The following WWOX variants were observed in gnomAD, a reference collection of about 807,000 sequenced individuals.
WWOX encodes the protein WW domain containing oxidoreductase.
WWOX carries 69 observed loss-of-function variants against 46.2 expected under a neutral mutation model. The observed-to-expected ratio is 1.49, with a 90% CI of 1.23 to 1.82. The LOEUF is 1.82. Ranked by LOEUF, WWOX falls within the 40% of genes most tolerant of loss-of-function variation. The pLI, the probability that WWOX is intolerant of heterozygous loss-of-function variation, is 0.00. For missense variants in WWOX, 919 were observed against 542.6 expected, an observed-to-expected ratio of 1.69 and a Z score of -6.89; for synonymous variants, 359 against 202.6, an observed-to-expected ratio of 1.77 and a Z score of -6.56.
chr16:78,596,439 AACCC>A (rs2045492577), intron 8 of WWOX, among the ~76,000 whole-genome samples: 1 of 152,116 alleles, frequency 6.6e-6, no homozygotes, highest in Non-Finnish European at 1.5e-5. Flanking sequence ...CTGCTGTGGC[AACCC>A]ACAGCAGGAA....
chr16:78,533,300 T>A (rs889163337), intron 8 of WWOX, among the ~76,000 whole-genome samples: 2 of 152,068 alleles, frequency 1.3e-5, no homozygotes, highest in African/African-American at 4.8e-5. Context: ...CCCAGCACTT[T>A]TGGGTCAGTT....
chr16:78,606,960 T>A (rs1342305709), intron 8 of WWOX, among the ~76,000 whole-genome samples: 2 of 152,058 alleles, frequency 1.3e-5, no homozygotes, highest in African/African-American at 4.8e-5. Context: ...AATGATCATT[T>A]TTGTGCAGGA....
intron 8 of WWOX, among the ~76,000 whole-genome samples, chr16:78,565,638 A>T (rs930312724): frequency 1.3e-5 from 2 of 152,178 alleles, no homozygotes; most frequent in African/African-American, 4.8e-5. Context: ...ATGGCTGATG[A>T]CAGAGTCACA....
At chr16:78,505,534 G>C (rs1295798512) in intron 8 of WWOX, among the ~76,000 whole-genome samples, 1 of 152,184 alleles carries the variant, frequency 6.6e-6, no homozygotes, top group African/African-American at 2.4e-5. Context: ...TGGATACCTA[G>C]ACTCTGCTGG....
At chr16:78,605,777 T>C (rs1412776745) in intron 8 of WWOX, among the ~76,000 whole-genome samples, 1 of 152,204 alleles carries the variant, frequency 6.6e-6, no homozygotes, top group African/African-American at 2.4e-5. Flanking sequence ...GAAGCTCTGA[T>C]GAAGCAATGT....
At chr16:78,132,228 G>T (rs536286940) in intron 4 of WWOX, among the ~76,000 whole-genome samples, 4 of 149,814 alleles carry the variant, frequency 2.7e-5, no homozygotes, top group Non-Finnish European at 5.9e-5. Context: ...GGGTTTCACC[G>T]TGTTAGCAAG....
At chr16:78,146,480 C>T (rs1468604274) in intron 4 of WWOX, among the ~76,000 whole-genome samples, 1 of 152,178 alleles carries the variant, frequency 6.6e-6, no homozygotes, top group Non-Finnish European at 1.5e-5. Context: ...TCAGCCTCAG[C>T]TGGAAGCTCC....
At chr16:78,926,517 G>A (rs550719151) in intron 8 of WWOX, among the ~76,000 whole-genome samples, 7 of 152,320 alleles carry the variant, frequency 4.6e-5, no homozygotes, top group South Asian at 4.1e-4. Flanking sequence ...GCAGGATGGC[G>A]AAGTCGCAGC....
chr16:78,655,042 G>A (rs1240254618), intron 8 of WWOX, among the ~76,000 whole-genome samples: 1 of 152,064 alleles, frequency 6.6e-6, no homozygotes, highest in East Asian at 1.9e-4. Flanking sequence ...GCAGAACTCT[G>A]TGCCTTTCCC....
At chr16:78,189,993 C>T (rs952936560) in intron 5 of WWOX, among the ~76,000 whole-genome samples, 3 of 152,168 alleles carry the variant, frequency 2.0e-5, no homozygotes, top group Non-Finnish European at 4.4e-5. Flanking sequence ...TCACTTCCCA[C>T]CCAAACCTTT....
chr16:78,723,131 C>A (rs1026399739), intron 8 of WWOX, among the ~76,000 whole-genome samples: 5 of 152,152 alleles, frequency 3.3e-5, no homozygotes, highest in Non-Finnish European at 7.3e-5. Context: ...AAAGATCATC[C>A]CGTCAACTGC....
chr16:78,656,438 C>G (rs890676353), intron 8 of WWOX, among the ~76,000 whole-genome samples: 1 of 152,084 alleles, frequency 6.6e-6, no homozygotes, highest in South Asian at 2.1e-4. Flanking sequence ...TACAGGAAGC[C>G]CAGTTAGGGA....
intron 8 of WWOX, among the ~76,000 whole-genome samples, chr16:78,907,290 C>T (rs1417005007): frequency 1.3e-5 from 2 of 152,200 alleles, no homozygotes; most frequent in Non-Finnish European, 2.9e-5. Context: ...CTCAAAAATG[C>T]AAAAGCCGGA....
intron 8 of WWOX, among the ~76,000 whole-genome samples, chr16:79,019,870 C>T (rs1455588487): frequency 1.3e-5 from 2 of 152,156 alleles, no homozygotes; most frequent in Non-Finnish European, 2.9e-5. Flanking sequence ...GTTAAGCAAC[C>T]CCTCGGATCC....
intron 5 of WWOX, among the ~76,000 whole-genome samples, chr16:78,186,874 C>T (rs1258883683): frequency 2.0e-5 from 3 of 152,144 alleles, no homozygotes; most frequent in African/African-American, 7.2e-5. Context: ...ACCCTTAACC[C>T]AGCTTCCCCA....
intron 8 of WWOX, among the ~76,000 whole-genome samples, chr16:78,816,023 A>G (rs1401876804): frequency 2.0e-5 from 3 of 152,186 alleles, no homozygotes; most frequent in East Asian, 1.9e-4. Flanking sequence ...TGTAAGGCCA[A>G]GTGGTCATAG....
At chr16:78,949,847 C>T (rs1262531281) in intron 8 of WWOX, among the ~76,000 whole-genome samples, 1 of 152,228 alleles carries the variant, frequency 6.6e-6, no homozygotes, top group Non-Finnish European at 1.5e-5. Context: ...CATGTCACTC[C>T]ACATCTTTGT....
At chr16:78,872,633 C>A (rs913186430) in intron 8 of WWOX, 1 of 152,278 alleles carries the variant, frequency 6.6e-6, no homozygotes, top group East Asian at 1.9e-4. Context: ...TCTTTCTCAT[C>A]CTTTTGCTTA....
At chr16:78,429,449 A>G (rs1414864383) in intron 7 of WWOX, among the ~76,000 whole-genome samples, 1 of 152,174 alleles carries the variant, frequency 6.6e-6, no homozygotes, top group Non-Finnish European at 1.5e-5. Context: ...AGAGTTCATT[A>G]TGGAGAGCTT....
Sources: allele counts gnomAD v4.1 joint callset (sites outside exome capture counted in the v4.1 genomes callset), GRCh38; gene constraint gnomAD v4.1.1; transcripts MANE v1.5; gene names NCBI Gene and HGNC (gene_info 2026-07-23, HGNC 2026-07-21).